Variants in BTBD7 observed in about 807,000 individuals in gnomAD.
BTBD7 encodes BTB domain containing 7.
Under a neutral mutation model 99.9 loss-of-function variants are expected in BTBD7, and 38 were observed. That is an observed-to-expected ratio of 0.38 (90% confidence interval 0.29 to 0.50). BTBD7 has a LOEUF of 0.50. Ranked by LOEUF, BTBD7 falls within the 20% of genes least tolerant of loss-of-function variation. The pLI is 0.93. For missense variants in BTBD7, 1,170 were observed against 1,394.6 expected (o/e 0.84, Z 2.57); for synonymous variants, 520 against 511.4 (o/e 1.02, Z -0.23).
At chr14:93,323,592 T>C (rs188032874) in intron 1 of BTBD7, among the ~76,000 whole-genome samples, 1 of 152,220 alleles carries the variant, frequency 6.6e-6, no homozygotes, top group Non-Finnish European at 1.5e-5. Flanking sequence ...TTATAGAATT[T>C]TTCTCTAAAG....
chr14:93,310,476 C>T (rs2053123964), intron 1 of BTBD7, among the ~76,000 whole-genome samples: 1 of 152,066 alleles, frequency 6.6e-6, no homozygotes, highest in African/African-American at 2.4e-5. Context: ...TTGGATTTTG[C>T]CAAATGTATT....
chr14:93,289,088 AG>A (rs1432814460), intron 3 of BTBD7, among the ~76,000 whole-genome samples: 1 of 152,130 alleles, frequency 6.6e-6, no homozygotes, highest in Non-Finnish European at 1.5e-5. Context: ...GGCGGGGACA[AG>A]GGCATGTCAC....
intron 1 of BTBD7, among the ~76,000 whole-genome samples, chr14:93,321,105 G>A (rs1203817630): frequency 6.6e-6 from 1 of 152,106 alleles, no homozygotes; most frequent in Non-Finnish European, 1.5e-5. Context: ...ATTTCACTTT[G>A]TATAATAAGT....
chr14:93,306,005 C>G (rs1012408217), intron 1 of BTBD7, among the ~76,000 whole-genome samples: 1 of 152,192 alleles, frequency 6.6e-6, no homozygotes, highest in Non-Finnish European at 1.5e-5. Context: ...AAAGGCCCTA[C>G]GTTCAACTGA....
rs144969358 is a variant in BTBD7 at position 93,314,946 on chromosome 14, AT to A, written c.-107+17873del. ...GCTGTTCTTTTTACAAATTTGCAACATTTTCTATATTAATGTTAAAATAATA... is the reference window on the plus strand; with the variant it reads ...GCTGTTCTTTTTACAAATTTGCAACATTTCTATATTAATGTTAAAATAATA... On this transcript the variant is annotated intron_variant, in intron 1 of 10. Transcript: ENST00000334746. Among the ~76,000 whole-genome samples, 1,406 of 152,268 alleles carry A rather than the reference AT, an allele frequency of 9.2e-3. 26 individuals carry two copies. The highest frequency in any genetic ancestry group is 0.032 in the African/African-American group (1,346 of 41,570).
At chr14:93,290,452 T>A (rs1031486971) in intron 3 of BTBD7, among the ~76,000 whole-genome samples, 1 of 151,188 alleles carries the variant, frequency 6.6e-6, no homozygotes, top group African/African-American at 2.4e-5. Context: ...GACCTCGTGA[T>A]CTGCCTGCCC....
chr14:93,332,654 G>C (rs1279792638), intron 1 of BTBD7, among the ~76,000 whole-genome samples, 166 bp downstream of exon 1: 3 of 150,468 alleles, frequency 2.0e-5, no homozygotes, highest in African/African-American at 7.3e-5. Context: ...GCCCCAGACG[G>C]ACGACTGGCC....
intron 6 of BTBD7, among the ~76,000 whole-genome samples, chr14:93,255,204 G>A (rs2052415833): frequency 6.6e-6 from 1 of 152,272 alleles, no homozygotes; most frequent in Admixed American, 6.5e-5. Flanking sequence ...GGAGGGCAAT[G>A]GCGAGATCTT....
intron 1 of BTBD7, among the ~76,000 whole-genome samples, chr14:93,298,379 T>G (rs1022347565): frequency 1.3e-5 from 2 of 152,166 alleles, no homozygotes; most frequent in Admixed American, 1.3e-4. Flanking sequence ...ATGCCACAAG[T>G]GGAAAATTCT....
intron 4 of BTBD7, among the ~76,000 whole-genome samples, chr14:93,263,094 G>A (rs1298275781): frequency 6.6e-6 from 1 of 152,118 alleles, no homozygotes; most frequent in Non-Finnish European, 1.5e-5. Context: ...GTGGTTCAAT[G>A]GGTTTATGTC....
intron 3 of BTBD7, among the ~76,000 whole-genome samples, chr14:93,272,454 C>A (rs985751705): frequency 6.6e-6 from 1 of 152,122 alleles, no homozygotes; most frequent in African/African-American, 2.4e-5. Flanking sequence ...AATATCTAAC[C>A]AATGTGTCCT....
chr14:93,306,528 TTAA>T (rs1376998366), intron 1 of BTBD7, among the ~76,000 whole-genome samples: 1 of 152,052 alleles, frequency 6.6e-6, no homozygotes, highest in East Asian at 1.9e-4. Context: ...TCTAATACTA[TTAA>T]TAATATCTAA....
intron 3 of BTBD7, among the ~76,000 whole-genome samples, chr14:93,264,373 C>A (rs2052520358): frequency 6.6e-6 from 1 of 152,180 alleles, no homozygotes. Flanking sequence ...GTGGATGACA[C>A]CTGACTGATG....
chr14:93,301,774 G>A (rs1271096767), intron 1 of BTBD7, among the ~76,000 whole-genome samples: 2 of 152,114 alleles, frequency 1.3e-5, no homozygotes, highest in African/African-American at 4.8e-5. Context: ...CAAATCTAAG[G>A]TAACAACATT....
chr14:93,319,886 A>T (rs1180120252), intron 1 of BTBD7, among the ~76,000 whole-genome samples: 1 of 152,224 alleles, frequency 6.6e-6, no homozygotes, highest in Non-Finnish European at 1.5e-5. Flanking sequence ...GCAAGAAAGG[A>T]AGACTTGAGA....
At chr14:93,285,683 A>G (rs2052769083) in intron 3 of BTBD7, among the ~76,000 whole-genome samples, 1 of 152,176 alleles carries the variant, frequency 6.6e-6, no homozygotes, top group South Asian at 2.1e-4. Flanking sequence ...ACATTTTCAG[A>G]GCTGTTTACC....
At chr14:93,249,864 C>T (rs1038716341) in intron 8 of BTBD7, among the ~76,000 whole-genome samples, 1 of 152,070 alleles carries the variant, frequency 6.6e-6, no homozygotes, top group Admixed American at 6.6e-5. Context: ...GGGATGGAGT[C>T]TATAAATATT....
At chr14:93,309,571 G>A (rs1404993061) in intron 1 of BTBD7, among the ~76,000 whole-genome samples, 1 of 151,832 alleles carries the variant, frequency 6.6e-6, no homozygotes, top group Non-Finnish European at 1.5e-5. Context: ...GAAGGAAGCT[G>A]CCACGTCTAC....
chr14:93,303,402 G>A (rs911729821), intron 1 of BTBD7, among the ~76,000 whole-genome samples: 3 of 150,710 alleles, frequency 2.0e-5, no homozygotes, highest in Non-Finnish European at 2.9e-5. Context: ...TCAGGAGTTC[G>A]AGACCAGCCT....
Sources: allele counts gnomAD v4.1 joint callset (sites outside exome capture counted in the v4.1 genomes callset), GRCh38; gene constraint gnomAD v4.1.1; transcripts MANE v1.5; gene names NCBI Gene and HGNC (gene_info 2026-07-23, HGNC 2026-07-21).